HERC2: variants seen among roughly 807,000 people sequenced by gnomAD.
HERC2 encodes the protein HECT and RLD domain containing E3 ubiquitin protein ligase 2.
Under a neutral mutation model 537.7 loss-of-function variants are expected in HERC2, and 102 were observed. That is an observed-to-expected ratio of 0.19 (90% confidence interval 0.16 to 0.22). HERC2 has a LOEUF of 0.22. Among genes scored for constraint, HERC2 ranks in the 10% least tolerant of loss-of-function variants. The pLI, the probability that HERC2 is intolerant of heterozygous loss-of-function variation, is 1.00. For synonymous variants in HERC2, 2,224 were observed against 2,466.2 expected (o/e 0.90, Z 2.91); for missense variants, 4,236 against 6,198.2 (o/e 0.68, Z 10.63).
At position 28,168,531 on chromosome 15, in the gene HERC2, G is replaced by A. The variant is rs773482362; in HGVS notation, c.10289C>T (p.Ser3430Leu). The part of the protein sequence containing the change: ...AAMIAPVECP[S>L]FSSAAPSDAS... ...GTCGGAAGGGGCCGCCGAGGAGAAC[G>A]AGGGGCACTCCACCGGGGCGATCAT... The change falls in exon 67 of 93, where the codon TCG becomes TTG. Residue 3430 changes from serine to leucine, a missense_variant. This residue lies in a region of HERC2 where 356 missense variants were observed against 450.9 expected (regional missense o/e 0.79). Transcript: ENST00000261609. 5.0e-6 allele frequency: 8 copies of A among 1,614,076 alleles called. No individual in the cohort carries two copies. Among genetic ancestry groups the A allele is most frequent in the Non-Finnish European group, 5.9e-6 (7 of 1,180,032 alleles).
chr15:28,116,975 C>G, intron 87 of HERC2, 38 bp downstream of exon 87: 1 of 1,613,552 alleles, frequency 6.2e-7, no homozygotes, highest in Non-Finnish European at 8.5e-7. Context: ...CGACCACTGC[C>G]GGGGACACAG....
intron 40 of HERC2, 116 bp from the exon 41 acceptor site, chr15:28,214,388 G>A: frequency 1.9e-6 from 2 of 1,027,900 alleles, no homozygotes; most frequent in Admixed American, 1.8e-5. Flanking sequence ...CAGGGCACAG[G>A]GAAGGGAGAC....
intron 65 of HERC2, among the ~76,000 whole-genome samples, chr15:28,174,144 C>T (rs72714141): frequency 0.3 from 43,364 of 142,214 alleles, 3,932 homozygotes; most frequent in African/African-American, 0.44. Context: ...GAGTCCTGTT[C>T]ACACAGAAGG....
At chr15:28,157,599 A>G (rs1428657746) in intron 69 of HERC2, among the ~76,000 whole-genome samples, 8 of 152,126 alleles carry the variant, frequency 5.3e-5, no homozygotes, top group Non-Finnish European at 1.2e-4. Flanking sequence ...TATCCCCTTT[A>G]TCATTTTTTA....
At chr15:28,169,799 AG>A (rs1298823180) in intron 65 of HERC2, 144 bp from the exon 66 acceptor site, 1 of 684,036 alleles carries the variant, frequency 1.5e-6, no homozygotes. Flanking sequence ...GCTCATTAAT[AG>A]GCCTTCAAAA....
chr15:28,304,702 A>ATTTTT (rs780900477), intron 2 of HERC2, among the ~76,000 whole-genome samples: 3 of 108,340 alleles, frequency 2.8e-5, no homozygotes, highest in East Asian at 2.3e-4. Flanking sequence ...AAGGGCTTCC[A>ATTTTT]TTTTTTTTTT....
At chr15:28,285,905 A>G (rs2076145859) in intron 4 of HERC2, among the ~76,000 whole-genome samples, 2 of 151,994 alleles carry the variant, frequency 1.3e-5, no homozygotes, top group South Asian at 2.1e-4. Flanking sequence ...AACTCTACAC[A>G]TGTAACTTTG....
intron 78 of HERC2, among the ~76,000 whole-genome samples, chr15:28,141,004 G>A (rs1280335980): frequency 2.6e-5 from 4 of 151,660 alleles, no homozygotes; most frequent in South Asian, 2.1e-4. Context: ...TTGGAAGGCC[G>A]AGGTGGGTGG....
intron 55 of HERC2, 154 bp downstream of exon 55, chr15:28,190,811 T>C: frequency 1.6e-6 from 1 of 627,448 alleles, no homozygotes; most frequent in Non-Finnish European, 2.9e-6. Flanking sequence ...TTGTACAAAA[T>C]AAGTTGTATC....
chr15:28,259,724 G>GC (rs1406566008), intron 16 of HERC2, among the ~76,000 whole-genome samples: 1 of 151,584 alleles, frequency 6.6e-6, no homozygotes, highest in East Asian at 2.0e-4. Flanking sequence ...GGATGCCAAG[G>GC]AGGATGGATC....
rs373433977 is a variant in HERC2 at position 28,233,263 on chromosome 15, A to G, written c.4558T>C (p.Leu1520=). 8.7e-5 allele frequency: 135 copies of G among 1,550,016 alleles called. No individual in the cohort carries two copies. Among genetic ancestry groups the G allele is most frequent in the Non-Finnish European group, 1.2e-4 (130 of 1,124,784 alleles). ...AGGTCATTACAAACAGCAGGTCTCA[A>G]TTCATTAAAGAGGAATCTCAAACGT... is the stretch of plus-strand genomic sequence containing the variant. ...IERLRFLFNE[L]RPAVCNDLSI... is the part of the protein sequence containing the mutation. Residue 1520 remains leucine (L), a synonymous_variant, in exon 30 of 93, where the codon TTG becomes CTG. Coordinates refer to ENST00000261609, the MANE Select transcript of HERC2 (RefSeq NM_004667.6).
chr15:28,125,270 C>T (rs1889351205), intron 83 of HERC2, 77 bp from the exon 84 acceptor site: 1 of 1,171,392 alleles, frequency 8.5e-7, no homozygotes, highest in Admixed American at 1.7e-5. Context: ...CTTCCCACCA[C>T]ACACAGCACC....
At chr15:28,290,862 A>G (rs2076291506) in intron 4 of HERC2, among the ~76,000 whole-genome samples, 1 of 152,266 alleles carries the variant, frequency 6.6e-6, no homozygotes, top group Admixed American at 6.5e-5. Context: ...GTTAGAAAAG[A>G]CAAAAAATCT....
intron 86 of HERC2, among the ~76,000 whole-genome samples, chr15:28,121,033 G>A (rs911550573): frequency 1.3e-5 from 2 of 152,202 alleles, no homozygotes; most frequent in Non-Finnish European, 2.9e-5. Context: ...ACCTCCCAAT[G>A]TAACAGCAGC....
intron 5 of HERC2, among the ~76,000 whole-genome samples, chr15:28,277,610 G>C (rs1046494722): frequency 1.3e-5 from 2 of 152,168 alleles, no homozygotes; most frequent in East Asian, 3.8e-4. Flanking sequence ...TTCTGCAGCT[G>C]AGGGAATTCA....
chr15:28,219,254 C>T (rs1013623718), intron 37 of HERC2, among the ~76,000 whole-genome samples: 4 of 152,226 alleles, frequency 2.6e-5, no homozygotes, highest in African/African-American at 9.6e-5. Context: ...ACCAGACGCT[C>T]ATGCAGCCCG....
chr15:28,281,454 C>T (rs2141058142), intron 4 of HERC2, among the ~76,000 whole-genome samples: 1 of 152,312 alleles, frequency 6.6e-6, no homozygotes, highest in South Asian at 2.1e-4. Context: ...AGCCTCGCAG[C>T]CCTGGATCCT....
intron 31 of HERC2, 44 bp from the exon 32 acceptor site, chr15:28,229,891 A>G: frequency 1.2e-6 from 1 of 818,792 alleles, no homozygotes; most frequent in East Asian, 2.4e-5. Context: ...ACCCTATTTA[A>G]TAATAAACTG....
At chr15:28,218,858 C>A (rs945621540) in intron 37 of HERC2, among the ~76,000 whole-genome samples, 187 bp from the exon 38 acceptor site, 2 of 151,998 alleles carry the variant, frequency 1.3e-5, no homozygotes, top group Non-Finnish European at 2.9e-5. Flanking sequence ...TCCTTTGAGA[C>A]AGGCTCTGTC....
Sources: allele counts gnomAD v4.1 joint callset (sites outside exome capture counted in the v4.1 genomes callset), GRCh38; gene constraint gnomAD v4.1.1; regional missense constraint gnomAD v4.1.1; transcripts MANE v1.5; gene names NCBI Gene and HGNC (gene_info 2026-07-23, HGNC 2026-07-21).